Variants in SUSD3 observed in about 807,000 individuals in gnomAD.
SUSD3 encodes the protein sushi domain containing 3, also known as sushi domain-containing protein 3.
Under a neutral mutation model 20.6 loss-of-function variants are expected in SUSD3, and 18 were observed. The observed-to-expected ratio is 0.87, with a 90% CI of 0.60 to 1.30. The LOEUF is 1.30. Ranked by LOEUF, SUSD3 falls within the 50% of genes most tolerant of loss-of-function variation. The probability of loss-of-function intolerance (pLI) is 0.00; values close to 1 mark genes in which losing one functional copy is unlikely to be tolerated. For missense variants in SUSD3, 306 were observed against 346.9 expected (o/e 0.88, Z 0.94); for synonymous variants, 137 against 141.5 (o/e 0.97, Z 0.23).
At chr9:93,061,180 C>T (rs568201299) in intron 1 of SUSD3, among the ~76,000 whole-genome samples, 4 of 152,348 alleles carry the variant, frequency 2.6e-5, no homozygotes, top group Non-Finnish European at 4.4e-5. Flanking sequence ...CCCTGGCATC[C>T]GTGGAAGGGC....
intron 1 of SUSD3, among the ~76,000 whole-genome samples, chr9:93,059,255 G>T (rs2118889799): frequency 6.6e-6 from 1 of 152,256 alleles, no homozygotes; most frequent in East Asian, 1.9e-4. Context: ...CCTGAGGGAG[G>T]TGTCATCTTC....
chr9:93,068,063 T>A (rs1825782241), intron 1 of SUSD3, among the ~76,000 whole-genome samples: 1 of 152,236 alleles, frequency 6.6e-6, no homozygotes, highest in African/African-American at 2.4e-5. Context: ...AATTTTGTTG[T>A]CTTCTAATTG....
At chr9:93,071,607 C>T (rs1430379496) in intron 1 of SUSD3, among the ~76,000 whole-genome samples, 1 of 152,156 alleles carries the variant, frequency 6.6e-6, no homozygotes, top group Non-Finnish European at 1.5e-5. Context: ...TTGGCAACAC[C>T]CTCACAGACA....
At chr9:93,075,736 G>GTCCCCCCCCCCCCC in intron 1 of SUSD3, 48 bp from the exon 2 acceptor site, 1 of 272,216 alleles carries the variant, frequency 3.7e-6, no homozygotes. Context: ...TGCCCTGCGT[G>GTCCCCCCCCCCCCC]CCCACCCCCC....
intron 1 of SUSD3, among the ~76,000 whole-genome samples, chr9:93,066,490 C>T (rs1825716616): frequency 6.6e-6 from 1 of 152,174 alleles, no homozygotes; most frequent in South Asian, 2.1e-4. Flanking sequence ...CCTCAGCCTC[C>T]CAAAGTGCTG....
intron 1 of SUSD3, among the ~76,000 whole-genome samples, chr9:93,059,218 AG>A (rs1174796069): frequency 1.3e-5 from 2 of 151,294 alleles, no homozygotes; most frequent in Non-Finnish European, 3.0e-5. Flanking sequence ...CGGGGGCGGG[AG>A]GGGGGAGCCG....
chr9:93,067,279 G>T (rs1189652322), intron 1 of SUSD3, among the ~76,000 whole-genome samples: 1 of 152,160 alleles, frequency 6.6e-6, no homozygotes, highest in Non-Finnish European at 1.5e-5. Flanking sequence ...TGATTTAATA[G>T]TACTCTGTGG....
At position 93,078,081 on chromosome 9, in the gene SUSD3, C is replaced by T. The variant is rs369427007; in HGVS notation, c.425+88C>T. The T allele has an allele frequency of 4.7e-5, 74 of 1,565,062 alleles. No individual in the cohort carries two copies. In the East Asian group the frequency reaches 8.5e-4, roughly 18 times the overall value. On this transcript the variant is annotated intron_variant, in intron 3 of 4. Coordinates refer to ENST00000375472, the MANE Select transcript of SUSD3 (RefSeq NM_145006.4). ...GAAAGGACAGAGTGTTTCAAGGGAA[C>T]CCCGGCACTGCCCTCAGGGCACCCG... is the stretch of plus-strand genomic sequence containing the variant.
At chr9:93,060,333 C>G (rs1347175424) in intron 1 of SUSD3, among the ~76,000 whole-genome samples, 1 of 152,068 alleles carries the variant, frequency 6.6e-6, no homozygotes, top group Non-Finnish European at 1.5e-5. Context: ...TCCCCATGTG[C>G]CCCAGTTTCC....
At chr9:93,068,368 T>C (rs1825794395) in intron 1 of SUSD3, among the ~76,000 whole-genome samples, 1 of 152,250 alleles carries the variant, frequency 6.6e-6, no homozygotes, top group African/African-American at 2.4e-5. Flanking sequence ...AATTTTAGCA[T>C]ATGGTATGAG....
intron 1 of SUSD3, among the ~76,000 whole-genome samples, chr9:93,065,963 C>T (rs1825695130): frequency 6.6e-6 from 1 of 152,208 alleles, no homozygotes; most frequent in African/African-American, 2.4e-5. Context: ...GGAAATAGCC[C>T]AGGCCAGGGG....
chr9:93,065,636 G>C (rs969331386), intron 1 of SUSD3, among the ~76,000 whole-genome samples: 1 of 152,236 alleles, frequency 6.6e-6, no homozygotes, highest in Non-Finnish European at 1.5e-5. Flanking sequence ...TGCTGTGTCT[G>C]CCAGGGCTCC....
At chr9:93,075,735 T>TTCCCCC in intron 1 of SUSD3, 49 bp from the exon 2 acceptor site, 31 of 247,410 alleles carry the variant, frequency 1.3e-4, no homozygotes, top group South Asian at 2.6e-4. Flanking sequence ...CTGCCCTGCG[T>TTCCCCC]GCCCACCCCC....
chr9:93,072,965 A>G (rs1825968193), intron 1 of SUSD3, among the ~76,000 whole-genome samples: 1 of 152,034 alleles, frequency 6.6e-6, no homozygotes, highest in Admixed American at 6.6e-5. Context: ...GGGCAGTAGG[A>G]CTTCCATTCC....
intron 1 of SUSD3, among the ~76,000 whole-genome samples, chr9:93,060,292 G>A (rs918292886): frequency 6.6e-6 from 1 of 152,048 alleles, no homozygotes; most frequent in Non-Finnish European, 1.5e-5. Context: ...CTGTGACCTG[G>A]GGTGAGTCGC....
intron 1 of SUSD3, among the ~76,000 whole-genome samples, chr9:93,069,805 A>C (rs1458192559): frequency 6.7e-6 from 1 of 149,784 alleles, no homozygotes; most frequent in Non-Finnish European, 1.5e-5. Context: ...TTTGAGATGG[A>C]GTCTCACTTT....
intron 1 of SUSD3, 25 bp from the exon 2 acceptor site, chr9:93,075,755 CCATG>C: frequency 2.1e-6 from 1 of 474,314 alleles, no homozygotes; most frequent in Non-Finnish European, 3.5e-6. Flanking sequence ...CCCCCCCCCG[CCATG>C]CCTCATACCT....
In SUSD3 at chr9:93,062,067, C is replaced by T. The variant is rs192490295; in HGVS notation, c.88+3237C>T. 1.9e-4 allele frequency among the ~76,000 whole-genome samples: 29 copies of T among 152,374 alleles called. No individual in the cohort carries two copies. The East Asian group carries it at 3.3e-3, about 17-fold the overall frequency. The stretch of plus-strand genomic sequence containing the variant: ...CAAGTACGGATTGTTCTCAGACGCC[C>T]GGCTGGCCTCACAGGCTGGGAGGAT... On this transcript the variant is annotated intron_variant, in intron 1 of 4. Coordinates refer to ENST00000375472, the MANE Select transcript of SUSD3 (RefSeq NM_145006.4).
At chr9:93,068,862 A>G (rs1825813619) in intron 1 of SUSD3, among the ~76,000 whole-genome samples, 1 of 146,980 alleles carries the variant, frequency 6.8e-6, no homozygotes, top group South Asian at 2.2e-4. Flanking sequence ...GAAACTTCAG[A>G]TACTATATAT....
Sources: gnomAD v4.1 joint callset for allele counts (sites outside exome capture counted in the v4.1 genomes callset) on GRCh38, gnomAD v4.1.1 for gene constraint, MANE v1.5 for transcripts, NCBI Gene and HGNC (gene_info 2026-07-23, HGNC 2026-07-21) for gene names.